The following UNC80 variants were observed in gnomAD, a reference collection of about 807,000 sequenced individuals.
UNC80 encodes the protein unc-80 subunit of NALCN channel complex.
A neutral mutation model predicts 384.6 loss-of-function variants in UNC80; 164 were observed. That is an observed-to-expected ratio of 0.43 (90% confidence interval 0.38 to 0.49). UNC80 has a LOEUF of 0.49. UNC80 is among the 20% of genes least tolerant of loss of function. The pLI, the probability that UNC80 is intolerant of heterozygous loss-of-function variation, is 0.00. For synonymous variants in UNC80, 1,486 were observed against 1,527.8 expected (o/e 0.97, Z 0.64); for missense variants, 3,330 against 4,143.0 (o/e 0.80, Z 5.39).
At position 209,820,537 on chromosome 2, in the gene UNC80, G is replaced by A. The variant is rs1455549347; in HGVS notation, c.2189G>A (p.Gly730Glu). The A allele has an allele frequency of 6.4e-7, 1 of 1,551,680 alleles. No homozygotes were observed. The highest frequency in any genetic ancestry group is 2.0e-5 in the Admixed American group (1 of 50,992). Residue 730 changes from glycine to glutamate, a missense_variant, in exon 13 of 65, where the codon GGA becomes GAA. Transcript: ENST00000673920. ...TCTGGAAGTTCCACCTGTGGATTCG[G>A]AGGCCCTGCTGTTAGTGGAGCTGGA... Reference protein sequence around the residue: ...GVSGSSTCGFGGPAVSGAGDG... With the variant: ...GVSGSSTCGFEGPAVSGAGDG...
intron 33 of UNC80, among the ~76,000 whole-genome samples, chr2:209,920,544 T>A (rs1370678203): frequency 2.6e-5 from 4 of 152,224 alleles, no homozygotes; most frequent in Non-Finnish European, 5.9e-5. Flanking sequence ...ATCCTTCATC[T>A]ATGGAGGAGT....
chr2:209,935,217 G>A (rs1332928718), intron 39 of UNC80, among the ~76,000 whole-genome samples: 2 of 152,122 alleles, frequency 1.3e-5, no homozygotes, highest in African/African-American at 4.8e-5. Context: ...TGTCTCTTAA[G>A]TTATTCCATT....
At chr2:209,873,040 G>C in intron 23 of UNC80, 70 bp downstream of exon 23, 1 of 1,407,692 alleles carries the variant, frequency 7.1e-7, no homozygotes, top group Non-Finnish European at 9.8e-7. Flanking sequence ...TTGATTGATT[G>C]TGTTTGTTTT....
At chr2:209,778,043 C>A (rs1278094010) in intron 4 of UNC80, among the ~76,000 whole-genome samples, 1 of 152,204 alleles carries the variant, frequency 6.6e-6, no homozygotes, top group African/African-American at 2.4e-5. Flanking sequence ...ACCTCACCAT[C>A]TAGACTTCAT....
chr2:209,950,788 C>T (rs756331513), intron 47 of UNC80, among the ~76,000 whole-genome samples: 72 of 152,076 alleles, frequency 4.7e-4, no homozygotes, highest in Admixed American at 2.4e-3. Flanking sequence ...GAACTCCTGA[C>T]CTCAGGTGAT....
intron 34 of UNC80, 150 bp from the exon 35 acceptor site, chr2:209,922,102 T>C (rs1246328262): frequency 5.8e-6 from 6 of 1,029,474 alleles, no homozygotes; most frequent in Non-Finnish European, 6.7e-6. Context: ...AGGGCTTTTT[T>C]AATTTTTATT....
chr2:209,840,286 TGA>T (rs1204931901), intron 19 of UNC80, among the ~76,000 whole-genome samples: 1 of 152,318 alleles, frequency 6.6e-6, no homozygotes, highest in East Asian at 1.9e-4. Context: ...CAGGCTTTAA[TGA>T]GAGATGTGAA....
intron 47 of UNC80, among the ~76,000 whole-genome samples, chr2:209,953,508 A>G (rs1460995931): frequency 2.0e-5 from 3 of 151,604 alleles, no homozygotes; most frequent in Non-Finnish European, 4.4e-5. Context: ...CATAATAACT[A>G]CTTAATCTCC....
chr2:209,928,833 G>A (rs896596127), intron 36 of UNC80, among the ~76,000 whole-genome samples: 1 of 151,790 alleles, frequency 6.6e-6, no homozygotes, highest in African/African-American at 2.4e-5. Context: ...CCTCCCTCCC[G>A]CCTCCCCTTC....
At chr2:209,775,810 T>G in intron 2 of UNC80, 79 bp from the exon 3 acceptor site, 1 of 1,462,886 alleles carries the variant, frequency 6.8e-7, no homozygotes, top group Non-Finnish European at 9.3e-7. Context: ...ATTTTTTCAC[T>G]AACCAGAATC....
chr2:209,976,410 G>A lies in UNC80; in HGVS notation c.8772+107G>A. The stretch of plus-strand genomic sequence containing the variant: ...GTGCTCATGGTACCTACTGTTGCCA[G>A]TTAGTAGGGCCTGTTAATACCATGC... On this transcript the variant is annotated intron_variant, in intron 57 of 64. Transcript: ENST00000673920. This position sits in a 1 kb window ranked among gnomAD's most constrained non-coding sequence, Gnocchi z 4.3. The A allele has an allele frequency of 7.2e-7, 1 of 1,383,906 alleles. No individual in the cohort carries two copies. Among genetic ancestry groups the A allele is most frequent in the East Asian group, 2.5e-5 (1 of 39,944 alleles). The allele number at this position is 1,383,906 out of a possible 1,614,324, so 85.7% of individuals were successfully genotyped here.
chr2:209,817,111 A>G lies in UNC80; in HGVS notation c.1538A>G (p.Gln513Arg). Reference protein sequence around the residue: ...DRRGIEKGGWQTTILGKLTRR... With the variant: ...DRRGIEKGGWRTTILGKLTRR... Reference sequence around the variant, plus strand: ...CGAGGAATTGAGAAAGGAGGCTGGCAAACCACCATTTTAGGTGACCACAAG... The same window carrying G: ...CGAGGAATTGAGAAAGGAGGCTGGCGAACCACCATTTTAGGTGACCACAAG... The change falls in exon 10 of 65, where the codon CAA (glutamine) becomes CGA (arginine). Residue 513 changes from glutamine (Q) to arginine (R), a missense_variant. Gln to Arg is a conservative substitution (Grantham distance 43, BLOSUM62 1). Around this residue, in one of 8 missense-constraint regions of UNC80, gnomAD observed 937 missense variants for 1,026.8 expected, o/e 0.91. Coordinates refer to ENST00000673920, the MANE Select transcript of UNC80 (RefSeq NM_001371986.1). 6.4e-7 allele frequency: 1 copy of G among 1,551,616 alleles called. No homozygotes were observed. Among genetic ancestry groups the G allele is most frequent in the Non-Finnish European group, 8.7e-7 (1 of 1,147,012 alleles).
chr2:209,784,914 G>A (rs1231875511), intron 4 of UNC80, among the ~76,000 whole-genome samples: 4 of 152,190 alleles, frequency 2.6e-5, no homozygotes, highest in African/African-American at 4.8e-5. Context: ...GTTGCCAAGT[G>A]GTGTCAGAAT....
rs2084412213 is a variant in UNC80 at position 209,872,793 on chromosome 2, G to A, written c.3663G>A (p.Leu1221=). 1 of 1,551,364 alleles carries A rather than the reference G, an allele frequency of 6.4e-7. No individual in the cohort carries two copies. The highest frequency in any genetic ancestry group is 1.2e-5 in the South Asian group (1 of 84,048). Residue 1221 remains leucine (L), a synonymous_variant, in exon 23 of 65, where the codon CTG becomes CTA. Coordinates refer to ENST00000673920, the MANE Select transcript of UNC80 (RefSeq NM_001371986.1). This position sits in a 1 kb window ranked among gnomAD's most constrained non-coding sequence, Gnocchi z 4.1. ...TGGTGGCCAGAGCAGCCTTGTTCCT[G>A]GAATGTGCTCGTTTTGTTCACCGCT... ...APVVARAALF[L]ECARFVHRCN...
In UNC80 at chr2:209,976,822, T is replaced by C. The variant is rs943994278; in HGVS notation, c.8773-91T>C. On this transcript the variant is annotated intron_variant, in intron 57 of 64. Coordinates refer to ENST00000673920, the MANE Select transcript of UNC80 (RefSeq NM_001371986.1). The surrounding 1 kb of genome is among the most constrained non-coding windows in gnomAD (Gnocchi z 4.3). ...AGGAACATCACATGCATTACCTTAT[T>C]TATTCCTCACAACAATGAAATAGGT... The C allele has an allele frequency of 7.3e-7, 1 of 1,365,428 alleles. No homozygotes were observed. 84.6% of individuals were successfully genotyped at this position (1,365,428 alleles called of 1,614,324 possible). A position where few individuals can be genotyped will look rare whatever the true frequency, so the allele number is the denominator to read the frequency against.
In UNC80 at chr2:209,878,001, C is replaced by T; in HGVS notation, c.3888C>T (p.Ser1296=). The T allele has an allele frequency of 5.8e-6, 9 of 1,543,842 alleles. No homozygotes were observed. Among genetic ancestry groups the T allele is most frequent in the Non-Finnish European group, 7.9e-6 (9 of 1,143,208 alleles). Residue 1296 remains serine, a synonymous_variant, in exon 24 of 65, where the codon AGC becomes AGT. Coordinates refer to ENST00000673920, the MANE Select transcript of UNC80 (RefSeq NM_001371986.1). ...LNELCHGESE[S]PANLLGLIYD... ...AGCTGTGCCACGGGGAAAGTGAGAG[C>T]CCAGCCAACCTGCTGGGTCTCATTT...
At chr2:209,805,899 C>T (rs978588363) in intron 7 of UNC80, among the ~76,000 whole-genome samples, 27 of 152,078 alleles carry the variant, frequency 1.8e-4, no homozygotes, top group Admixed American at 3.9e-4. Context: ...CAGGGATCAT[C>T]GGGGGCTATG....
chr2:209,970,018 G>C, intron 53 of UNC80, 127 bp downstream of exon 53: 1 of 1,213,604 alleles, frequency 8.2e-7, no homozygotes, highest in Non-Finnish European at 1.1e-6. Flanking sequence ...AGACGGCTCA[G>C]GTGACACTGA....
intron 55 of UNC80, 24 bp from the exon 56 acceptor site, chr2:209,973,040 C>T (rs374977901): frequency 1.7e-5 from 27 of 1,549,532 alleles, no homozygotes; most frequent in African/African-American, 8.2e-5. Context: ...TTTCCACTTC[C>T]GTCTTCCAAA....
Sources: gnomAD v4.1 joint callset for allele counts (sites outside exome capture counted in the v4.1 genomes callset) on GRCh38, gnomAD v4.1.1 for gene constraint, gnomAD v4.1.1 regional missense constraint, Gnocchi (gnomAD v3.1) non-coding constraint, MANE v1.5 for transcripts, NCBI Gene and HGNC (gene_info 2026-07-23, HGNC 2026-07-21) for gene names.